LDLRAD3: variants seen among roughly 807,000 people sequenced by gnomAD.
The protein encoded by LDLRAD3 is low density lipoprotein receptor class A domain containing 3, also known as low-density lipoprotein receptor class A domain-containing protein 3.
LDLRAD3 carries 20 observed loss-of-function variants against 29.4 expected under a neutral mutation model. That is an observed-to-expected ratio of 0.68 (90% CI 0.48 to 0.99). The LOEUF (loss-of-function observed/expected upper bound fraction) is 0.99, where lower values mean the gene tolerates loss of function less well. Among genes scored for constraint, LDLRAD3 ranks in the 50% least tolerant of loss-of-function variants. LDLRAD3 has a pLI of 0.00. For missense variants in LDLRAD3, 420 were observed against 454.3 expected (o/e 0.92, Z 0.69); for synonymous variants, 157 against 192.7 (o/e 0.81, Z 1.53).
intron 2 of LDLRAD3, among the ~76,000 whole-genome samples, chr11:36,057,641 T>G (rs1338112359): frequency 6.6e-6 from 1 of 152,236 alleles, no homozygotes; most frequent in Non-Finnish European, 1.5e-5. Flanking sequence ...CTTTGTTTGC[T>G]GAGATTCTGC....
intron 4 of LDLRAD3, among the ~76,000 whole-genome samples, chr11:36,194,439 G>A (rs1477184561): frequency 6.6e-6 from 1 of 152,152 alleles, no homozygotes; most frequent in African/African-American, 2.4e-5. Context: ...AGAAATTCAG[G>A]AACATTTTCA....
intron 1 of LDLRAD3, among the ~76,000 whole-genome samples, chr11:35,985,758 T>C (rs534044885): frequency 4.4e-4 from 67 of 152,044 alleles, no homozygotes; most frequent in Non-Finnish European, 8.7e-4. Flanking sequence ...CCTGCCACCA[T>C]GTAAGATGTG....
chr11:36,070,383 A>G (rs1220539631), intron 2 of LDLRAD3, among the ~76,000 whole-genome samples: 2 of 152,188 alleles, frequency 1.3e-5, no homozygotes, highest in African/African-American at 2.4e-5. Context: ...CAGAATTTGT[A>G]TCTTGCACAC....
intron 1 of LDLRAD3, among the ~76,000 whole-genome samples, chr11:36,030,565 G>A (rs938379872): frequency 2.6e-4 from 40 of 152,288 alleles, no homozygotes; most frequent in Non-Finnish European, 5.0e-4. Flanking sequence ...GTGGAAAGAG[G>A]TGGTTAATTC....
chr11:35,991,867 T>TTTTGTGTGTGTGTGTGTG (rs1851695878), intron 1 of LDLRAD3, among the ~76,000 whole-genome samples: 8 of 82,684 alleles, frequency 9.7e-5, no homozygotes, highest in Admixed American at 7.3e-4. Flanking sequence ...GAATGGTTGT[T>TTTTGTGTGTGTGTGTGTG]TGTGTGTGTG....
intron 4 of LDLRAD3, among the ~76,000 whole-genome samples, chr11:36,203,970 C>A (rs870716): frequency 0.43 from 64,400 of 151,404 alleles, 14,921 homozygotes; most frequent in Middle Eastern, 0.55. Context: ...ATGCTGGTTC[C>A]ACGGCACTTT....
intron 1 of LDLRAD3, among the ~76,000 whole-genome samples, chr11:35,971,771 G>A (rs1052861729): frequency 6.6e-6 from 1 of 152,184 alleles, no homozygotes; most frequent in African/African-American, 2.4e-5. Flanking sequence ...TGGGTATTCA[G>A]AACAGCCGGG....
intron 4 of LDLRAD3, among the ~76,000 whole-genome samples, chr11:36,140,997 TCTCTCTCTCTCTC>T (rs1565252519): frequency 9.6e-6 from 1 of 104,646 alleles, no homozygotes; most frequent in African/African-American, 3.7e-5. Flanking sequence ...GAGCTTTCTC[TCTCTCTCTCTCTC>T]TCTCTCTCTC....
intron 4 of LDLRAD3, among the ~76,000 whole-genome samples, chr11:36,158,397 T>C (rs1854385193): frequency 2.0e-5 from 3 of 152,096 alleles, no homozygotes; most frequent in Non-Finnish European, 4.4e-5. Context: ...TACCCAAGGG[T>C]CCACCTTCAG....
At chr11:36,182,894 A>T (rs1382676935) in intron 4 of LDLRAD3, among the ~76,000 whole-genome samples, 1 of 152,234 alleles carries the variant, frequency 6.6e-6, no homozygotes. Flanking sequence ...TTTTTGTTAA[A>T]CACATGCAGA....
chr11:36,162,119 G>A (rs769662182), intron 4 of LDLRAD3, among the ~76,000 whole-genome samples: 3 of 152,124 alleles, frequency 2.0e-5, no homozygotes, highest in South Asian at 2.1e-4. Flanking sequence ...ATTTAGCCTC[G>A]ATGTGCTAAG....
intron 4 of LDLRAD3, among the ~76,000 whole-genome samples, chr11:36,225,591 C>T (rs542052303): frequency 4.9e-4 from 75 of 152,238 alleles, no homozygotes; most frequent in African/African-American, 1.8e-3. Flanking sequence ...TAGAGCAGAA[C>T]GCTGGGGCCA....
At chr11:36,186,195 C>G (rs550007814) in intron 4 of LDLRAD3, among the ~76,000 whole-genome samples, 1 of 152,306 alleles carries the variant, frequency 6.6e-6, no homozygotes, top group African/African-American at 2.4e-5. Flanking sequence ...TGCCTGAGTT[C>G]CCCATCTATG....
chr11:36,162,599 G>T (rs147758428), intron 4 of LDLRAD3, among the ~76,000 whole-genome samples: 3 of 152,298 alleles, frequency 2.0e-5, no homozygotes, highest in Non-Finnish European at 2.9e-5. Context: ...CCTCACATTA[G>T]CTTTGATTTG....
In LDLRAD3 at chr11:36,145,358, AGCCGC is replaced by A. The variant is rs1206287298; in HGVS notation, c.454+46898_454+46902del. On this transcript the variant is annotated intron_variant, in intron 4 of 5. Coordinates refer to ENST00000315571, the MANE Select transcript of LDLRAD3 (RefSeq NM_174902.4). The stretch of plus-strand genomic sequence containing the variant: ...AAGTGAGGAGCCCCTCTGCCCGGCC[AGCCGC>A]CCCGTCTGGGAGGGAGGTGGGGGGG... 2.5e-3 allele frequency among the ~76,000 whole-genome samples: 234 copies of A among 95,366 alleles called. 7 individuals are homozygous for A. The highest frequency in any genetic ancestry group is 0.012 in the African/African-American group (232 of 20,034). The allele number at this position is 95,366 out of a possible 152,430, so 62.6% of individuals were successfully genotyped here.
At chr11:36,202,512 T>C (rs943269715) in intron 4 of LDLRAD3, among the ~76,000 whole-genome samples, 1 of 152,186 alleles carries the variant, frequency 6.6e-6, no homozygotes, top group African/African-American at 2.4e-5. Flanking sequence ...TTGAGGAACT[T>C]GTTCAGAGTC....
intron 4 of LDLRAD3, among the ~76,000 whole-genome samples, chr11:36,208,741 G>A (rs1855244041): frequency 6.8e-6 from 1 of 146,202 alleles, no homozygotes; most frequent in African/African-American, 2.6e-5. Context: ...TGTAATTATT[G>A]AAATGTAGAA....
At chr11:36,123,174 G>A (rs1055918418) in intron 4 of LDLRAD3, among the ~76,000 whole-genome samples, 2 of 152,088 alleles carry the variant, frequency 1.3e-5, no homozygotes, top group African/African-American at 4.8e-5. Context: ...GCGACAGAGC[G>A]AGACTCCGTC....
chr11:36,043,800 T>G (rs956882787), intron 2 of LDLRAD3, among the ~76,000 whole-genome samples: 6 of 152,158 alleles, frequency 3.9e-5, no homozygotes, highest in Non-Finnish European at 8.8e-5. Context: ...CCAAGGGCCT[T>G]CTGAAGGAGT....
Sources: allele counts gnomAD v4.1 joint callset (sites outside exome capture counted in the v4.1 genomes callset), GRCh38; gene constraint gnomAD v4.1.1; transcripts MANE v1.5; gene names NCBI Gene and HGNC (gene_info 2026-07-23, HGNC 2026-07-21).